The following DISC1 variants were observed in gnomAD, a reference collection of about 807,000 sequenced individuals.
DISC1 encodes DISC1 scaffold protein.
A neutral mutation model predicts 84.5 loss-of-function variants in DISC1; 57 were observed. That is an observed-to-expected ratio of 0.67 (90% confidence interval 0.55 to 0.84). DISC1 has a LOEUF of 0.84. Ranked by LOEUF, DISC1 falls within the 40% of genes least tolerant of loss-of-function variation. The pLI, the probability that DISC1 is intolerant of heterozygous loss-of-function variation, is 0.00. For missense variants in DISC1, 1,000 were observed against 1,057.8 expected (o/e 0.95, Z 0.76); for synonymous variants, 411 against 415.2 (o/e 0.99, Z 0.12).
At chr1:231,788,482 A>G (rs749555815) in intron 6 of DISC1, among the ~76,000 whole-genome samples, 1 of 152,138 alleles carries the variant, frequency 6.6e-6, no homozygotes, top group Non-Finnish European at 1.5e-5. Context: ...ATGTCGGAGT[A>G]TGGTTGATCT....
chr1:232,019,569 C>G (rs1275109068), intron 11 of DISC1, among the ~76,000 whole-genome samples: 6 of 152,088 alleles, frequency 3.9e-5, no homozygotes, highest in African/African-American at 1.4e-4. Context: ...CAGGCTTTCT[C>G]TTTTTTGTCA....
intron 10 of DISC1, among the ~76,000 whole-genome samples, chr1:231,964,029 C>T (rs779813168): frequency 4.6e-5 from 7 of 152,126 alleles, no homozygotes; most frequent in African/African-American, 7.2e-5. Context: ...GGTGTGGCAC[C>T]GGGCTGTCTG....
At chr1:231,725,279 G>A (rs569038123) in intron 3 of DISC1, among the ~76,000 whole-genome samples, 1 of 152,306 alleles carries the variant, frequency 6.6e-6, no homozygotes, top group East Asian at 1.9e-4. Flanking sequence ...CTTATTTTGT[G>A]TTCACAAGCC....
chr1:231,861,372 C>T (rs1171738221), intron 9 of DISC1, among the ~76,000 whole-genome samples: 1 of 149,390 alleles, frequency 6.7e-6, no homozygotes, highest in Non-Finnish European at 1.5e-5. Context: ...TCAAGCAATC[C>T]TCCCCCACCT....
At chr1:231,970,888 T>C (rs1176634417) in intron 10 of DISC1, among the ~76,000 whole-genome samples, 1 of 152,186 alleles carries the variant, frequency 6.6e-6, no homozygotes, top group Non-Finnish European at 1.5e-5. Flanking sequence ...TTCCTCTTTC[T>C]TTAAGTTGGC....
At chr1:231,804,061 T>G (rs2079517101) in intron 8 of DISC1, among the ~76,000 whole-genome samples, 1 of 151,206 alleles carries the variant, frequency 6.6e-6, no homozygotes, top group Non-Finnish European at 1.5e-5. Flanking sequence ...TAAGTTCAGT[T>G]CAGCCCACAG....
intron 6 of DISC1, chr1:231,771,565 TATA>T (rs2076551049): frequency 2.0e-6 from 2 of 985,456 alleles, no homozygotes; most frequent in Middle Eastern, 5.2e-4. Flanking sequence ...CAGGCAGTGT[TATA>T]AGCTGACTCT....
intron 1 of DISC1, among the ~76,000 whole-genome samples, chr1:231,655,208 G>A (rs540040639): frequency 2.0e-5 from 3 of 152,254 alleles, no homozygotes; most frequent in East Asian, 1.9e-4. Context: ...CCCAAGTTGC[G>A]TACATTGTGC....
chr1:231,627,632 G>A (rs1225144908), intron 1 of DISC1, among the ~76,000 whole-genome samples: 1 of 152,248 alleles, frequency 6.6e-6, no homozygotes, highest in African/African-American at 2.4e-5. Context: ...ACAATGACAG[G>A]ACTTCTACCT....
chr1:232,032,799 C>A (rs1350267205), intron 12 of DISC1, among the ~76,000 whole-genome samples: 1 of 152,134 alleles, frequency 6.6e-6, no homozygotes, highest in Non-Finnish European at 1.5e-5. Context: ...CCTAAAATTT[C>A]TATTTGCCTA....
At chr1:231,918,035 C>CATCT (rs1347670506) in intron 9 of DISC1, among the ~76,000 whole-genome samples, 3 of 152,210 alleles carry the variant, frequency 2.0e-5, no homozygotes, top group Non-Finnish European at 4.4e-5. Flanking sequence ...GGAACTAGAA[C>CATCT]ATCTGATGCA....
intron 9 of DISC1, among the ~76,000 whole-genome samples, chr1:231,888,971 G>A (rs1283139586): frequency 1.3e-5 from 2 of 152,126 alleles, no homozygotes; most frequent in Admixed American, 6.5e-5. Flanking sequence ...GCGATCCTTT[G>A]AGGGAGGCTG....
intron 1 of DISC1, among the ~76,000 whole-genome samples, chr1:231,665,202 A>G (rs985887744): frequency 1.3e-5 from 2 of 152,216 alleles, no homozygotes; most frequent in African/African-American, 2.4e-5. Flanking sequence ...AAGTGTGGGA[A>G]GTATCCACTT....
chr1:231,845,649 A>G (rs1400888865), intron 9 of DISC1, among the ~76,000 whole-genome samples: 1 of 152,078 alleles, frequency 6.6e-6, no homozygotes, highest in Admixed American at 6.5e-5. Flanking sequence ...TAGAGGAGAA[A>G]GGCAACTGGG....
intron 10 of DISC1, among the ~76,000 whole-genome samples, chr1:232,002,517 A>T (rs1332300960): frequency 6.6e-6 from 1 of 152,096 alleles, no homozygotes; most frequent in Non-Finnish European, 1.5e-5. Flanking sequence ...ACTGTGGTAC[A>T]TACCTAGCAT....
chr1:231,712,145 A>G (rs1485975320), intron 3 of DISC1, among the ~76,000 whole-genome samples: 1 of 152,228 alleles, frequency 6.6e-6, no homozygotes, highest in Non-Finnish European at 1.5e-5. Context: ...AAGCTGGAAG[A>G]GACAAGGACA....
intron 7 of DISC1, among the ~76,000 whole-genome samples, 171 bp downstream of exon 7, chr1:231,795,467 G>T (rs1351919678): frequency 6.6e-6 from 1 of 152,228 alleles, no homozygotes. Flanking sequence ...GAGTGCTTCT[G>T]TCATAGTGGA....
intron 11 of DISC1, among the ~76,000 whole-genome samples, chr1:232,016,163 T>C (rs1325992049): frequency 6.6e-6 from 1 of 152,148 alleles, no homozygotes; most frequent in Non-Finnish European, 1.5e-5. Context: ...ACAGTAACTA[T>C]GGTAGTCTTA....
chr1:231,931,912 A>G (rs2090686382), intron 9 of DISC1, among the ~76,000 whole-genome samples: 1 of 152,060 alleles, frequency 6.6e-6, no homozygotes, highest in Admixed American at 6.5e-5. Flanking sequence ...TTGGCCTCTG[A>G]AAGTGCTGGT....
Sources: gnomAD v4.1 joint callset for allele counts (sites outside exome capture counted in the v4.1 genomes callset) on GRCh38, gnomAD v4.1.1 for gene constraint, MANE v1.5 for transcripts, NCBI Gene and HGNC (gene_info 2026-07-23, HGNC 2026-07-21) for gene names.